The following ZFHX3 variants were observed in gnomAD, a reference collection of about 807,000 sequenced individuals.
The protein encoded by ZFHX3 is zinc finger homeobox protein 3.
ZFHX3 carries 42 observed loss-of-function variants against 279.1 expected under a neutral mutation model. The ratio of observed to expected loss-of-function variants is 0.15; its 90% CI spans 0.12 to 0.19. The LOEUF (loss-of-function observed/expected upper bound fraction) is 0.19, where lower values mean the gene tolerates loss of function less well. Ranked by LOEUF, ZFHX3 falls within the 10% of genes least tolerant of loss-of-function variation. The pLI is 1.00. For synonymous variants in ZFHX3, 2,293 were observed against 1,957.8 expected, an observed-to-expected ratio of 1.17 and a Z score of -4.52; for missense variants, 4,981 against 4,754.0, an observed-to-expected ratio of 1.05 and a Z score of -1.40.
chr16:73,862,611 C>CA lies in ZFHX3; in HGVS notation c.-1608+29039dup, dbSNP rs1446086178. Among the ~76,000 whole-genome samples, 4 of 151,854 alleles carry CA rather than the reference C, an allele frequency of 2.6e-5. No individual in the cohort carries two copies. The East Asian group carries it at 7.8e-4, about 29-fold the overall frequency. ...GCAACACAGTAAGACCCCATCTCCA[C>CA]AAAAAAATTTTAAAAGTAGCCAGGT... is the stretch of plus-strand genomic sequence containing the variant. On this transcript the variant is annotated intron_variant, in intron 1 of 17. Coordinates refer to the ZFHX3 transcript ENST00000641206.
chr16:73,421,852 C>A (rs984231480), intron 3 of ZFHX3, among the ~76,000 whole-genome samples: 1 of 152,128 alleles, frequency 6.6e-6, no homozygotes, highest in African/African-American at 2.4e-5. Flanking sequence ...TGAGGCAAAG[C>A]CCTGCCTTGA....
intron 2 of ZFHX3, among the ~76,000 whole-genome samples, chr16:73,484,952 G>A (rs1043431559): frequency 6.0e-5 from 9 of 151,044 alleles, no homozygotes; most frequent in African/African-American, 2.2e-4. Flanking sequence ...TTTAGAACCA[G>A]ACAGAATTTC....
chr16:73,461,251 G>A (rs2018465961), intron 2 of ZFHX3, among the ~76,000 whole-genome samples: 1 of 152,050 alleles, frequency 6.6e-6, no homozygotes, highest in Admixed American at 6.6e-5. Flanking sequence ...TAATTGGATT[G>A]TTTATGTTCT....
At position 73,794,513 on chromosome 16, in the gene ZFHX3, G is replaced by T. The variant is rs933578100; in HGVS notation, c.-1608+97138C>A. Among the ~76,000 whole-genome samples, 16 of 152,244 alleles carry T rather than the reference G, an allele frequency of 1.1e-4. 1 individual carries two copies. Among genetic ancestry groups the T allele is most frequent in the Admixed American group, 9.2e-4 (14 of 15,290 alleles). On this transcript the variant is annotated intron_variant, in intron 1 of 17. Coordinates refer to the ZFHX3 transcript ENST00000641206. Reference sequence around the variant, plus strand: ...ACACTCAACACCTTTAGGTTGCATGGTCCTTTATTCAAATTATTGTTGTTC... The same window carrying T: ...ACACTCAACACCTTTAGGTTGCATGTTCCTTTATTCAAATTATTGTTGTTC...
chr16:73,847,920 T>G (rs1333699963), intron 1 of ZFHX3, among the ~76,000 whole-genome samples: 4 of 145,958 alleles, frequency 2.7e-5, no homozygotes, highest in South Asian at 2.3e-4. Flanking sequence ...TTTTTTTTTT[T>G]TTTTTTTTTT....
chr16:73,631,071 C>T (rs1292861345), intron 2 of ZFHX3, among the ~76,000 whole-genome samples: 1 of 152,156 alleles, frequency 6.6e-6, no homozygotes, highest in East Asian at 1.9e-4. Context: ...AACCACAGGC[C>T]TGATTCCTGA....
At chr16:73,272,468 A>C (rs1371458613) in intron 4 of ZFHX3, among the ~76,000 whole-genome samples, 1 of 152,194 alleles carries the variant, frequency 6.6e-6, no homozygotes, top group Non-Finnish European at 1.5e-5. Context: ...TGTTGCCAAT[A>C]GAAGGAAGGA....
At chr16:73,145,104 C>G (rs1966857450) in intron 5 of ZFHX3, among the ~76,000 whole-genome samples, 1 of 152,200 alleles carries the variant, frequency 6.6e-6, no homozygotes, top group Admixed American at 6.5e-5. Context: ...CCTGTGGTGA[C>G]AGGCTGCTGA....
intron 4 of ZFHX3, among the ~76,000 whole-genome samples, chr16:72,856,240 G>C (rs1220302948): frequency 6.6e-6 from 1 of 152,204 alleles, no homozygotes; most frequent in African/African-American, 2.4e-5. Context: ...CCCCTGCCAT[G>C]TTCTAGAACA....
chr16:73,070,978 G>T (rs1233534359), intron 8 of ZFHX3, among the ~76,000 whole-genome samples: 1 of 134,430 alleles, frequency 7.4e-6, no homozygotes, highest in East Asian at 2.4e-4. Context: ...ACACATCTGG[G>T]TGCCCTTTTC....
chr16:73,602,193 TAAC>T (rs903168750), intron 2 of ZFHX3, among the ~76,000 whole-genome samples: 2 of 152,208 alleles, frequency 1.3e-5, no homozygotes, highest in African/African-American at 2.4e-5. Flanking sequence ...GAAGCAACTA[TAAC>T]AACATGTGAA....
intron 4 of ZFHX3, among the ~76,000 whole-genome samples, chr16:72,851,698 G>GC (rs1480752929): frequency 6.6e-6 from 1 of 151,978 alleles, no homozygotes; most frequent in African/African-American, 2.4e-5. Context: ...GGGATTACAG[G>GC]CCCCTACCAC....
chr16:73,232,606 T>C (rs376685739), intron 5 of ZFHX3: 4 of 152,228 alleles, frequency 2.6e-5, no homozygotes, highest in East Asian at 3.8e-4. Flanking sequence ...ATCTTGGGTC[T>C]GCTGTTACGT....
At chr16:72,918,249 T>G (rs1293854390) in intron 3 of ZFHX3, among the ~76,000 whole-genome samples, 1 of 151,992 alleles carries the variant, frequency 6.6e-6, no homozygotes, top group African/African-American at 2.4e-5. Context: ...GTAAGGGGTT[T>G]GGAAACCATA....
chr16:72,854,888 G>GAA (rs59760936), intron 4 of ZFHX3, among the ~76,000 whole-genome samples: 2 of 87,648 alleles, frequency 2.3e-5, no homozygotes, highest in Admixed American at 2.7e-4. Context: ...AAAATGGAAA[G>GAA]AAAAAAAAAA....
intron 2 of ZFHX3, among the ~76,000 whole-genome samples, chr16:73,643,545 T>TCC (rs2052591959): frequency 1.3e-5 from 2 of 152,254 alleles, no homozygotes; most frequent in Non-Finnish European, 2.9e-5. Flanking sequence ...CATCTTGAAC[T>TCC]ATGCTTTAAA....
intron 1 of ZFHX3, among the ~76,000 whole-genome samples, chr16:73,744,936 C>G (rs906090115): frequency 3.3e-5 from 5 of 152,152 alleles, no homozygotes; most frequent in Admixed American, 3.3e-4. Flanking sequence ...CATCTCACAA[C>G]AGGAAATTCA....
rs1371305750 is a variant in ZFHX3, at chr16:73,835,280, C to G, written c.-1608+56371G>C. On this transcript the variant is annotated intron_variant, in intron 1 of 17. Coordinates refer to the ZFHX3 transcript ENST00000641206. ...GGAAACTGAAAGAATCCAGACATGT[C>G]TCTCTCTAGCTTTGGGGTAGCGTGT... Among the ~76,000 whole-genome samples, 3 of 152,028 alleles carry G rather than the reference C, an allele frequency of 2.0e-5. No homozygotes were observed. The East Asian group carries it at 5.8e-4, about 29-fold the overall frequency.
At chr16:73,223,983 T>C (rs2012507902) in intron 5 of ZFHX3, among the ~76,000 whole-genome samples, 1 of 152,086 alleles carries the variant, frequency 6.6e-6, no homozygotes, top group African/African-American at 2.4e-5. Flanking sequence ...CGCAAAACTG[T>C]GGAGACAGGA....
Sources: gnomAD v4.1 joint callset for allele counts (sites outside exome capture counted in the v4.1 genomes callset) on GRCh38, gnomAD v4.1.1 for gene constraint, MANE v1.5 for transcripts, NCBI Gene and HGNC (gene_info 2026-07-23, HGNC 2026-07-21) for gene names.